The following CENPC variants were observed in gnomAD, a reference collection of about 807,000 sequenced individuals.
CENPC encodes the protein CENP-C 1.
CENPC carries 63 observed loss-of-function variants against 112.1 expected under a neutral mutation model. The ratio of observed to expected loss-of-function variants is 0.56; its 90% confidence interval spans 0.46 to 0.69. The LOEUF is 0.69. Among genes scored for constraint, CENPC ranks in the 30% least tolerant of loss-of-function variants. CENPC has a pLI of 0.00. For missense variants in CENPC, 1,000 were observed against 1,103.8 expected (o/e 0.91, Z 1.33); for synonymous variants, 333 against 367.6 (o/e 0.91, Z 1.08).
At chr4:67,501,569 G>A (rs1218390398) in intron 12 of CENPC, among the ~76,000 whole-genome samples, 4 of 152,080 alleles carry the variant, frequency 2.6e-5, no homozygotes, top group South Asian at 2.1e-4. Context: ...TGAACCAGGA[G>A]GAAGAAGAAA....
Position 67,506,951 on chromosome 4 carries a change from T to G in CENPC, c.1905-17A>C. On this transcript the variant is annotated splice_polypyrimidine_tract_variant and intron_variant, in intron 10 of 18. Transcript: ENST00000273853. Reference sequence around the variant, plus strand: ...CTTGTAGATCTATAAAAATGATAAATGTATGAGTGTTTATACTTCTTCAAA... The same window carrying G: ...CTTGTAGATCTATAAAAATGATAAAGGTATGAGTGTTTATACTTCTTCAAA... 6.3e-7 allele frequency: 1 copy of G among 1,582,684 alleles called. No individual in the cohort carries two copies. The highest frequency in any genetic ancestry group is 1.4e-5 in the African/African-American group (1 of 73,566).
chr4:67,508,017 T>C (rs1577988570), intron 10 of CENPC, among the ~76,000 whole-genome samples: 1 of 152,162 alleles, frequency 6.6e-6, no homozygotes, highest in Non-Finnish European at 1.5e-5. Context: ...AAGTATGTAT[T>C]ACCTCAATAG....
At chr4:67,504,807 G>A (rs1293525521) in intron 12 of CENPC, among the ~76,000 whole-genome samples, 3 of 152,012 alleles carry the variant, frequency 2.0e-5, no homozygotes, top group Non-Finnish European at 4.4e-5. Flanking sequence ...GGGAGACAGA[G>A]CGAGACTCCG....
chr4:67,511,764 T>A (rs542259170), intron 9 of CENPC, among the ~76,000 whole-genome samples: 1 of 152,246 alleles, frequency 6.6e-6, no homozygotes, highest in South Asian at 2.1e-4. Context: ...AATAGACATT[T>A]TGCCTATTTG....
Position 67,472,382 on chromosome 4 carries a change from T to C in CENPC, c.*223A>G, listed in dbSNP as rs1724689191. On this transcript the variant is annotated 3_prime_UTR_variant, in exon 19 of 19. Transcript: ENST00000273853. ...TATTCTTGTCAAATTATAAAAATAATATCATAAATATGGACATCGCTACAA... is the reference window on the plus strand; with the variant it reads ...TATTCTTGTCAAATTATAAAAATAACATCATAAATATGGACATCGCTACAA... The C allele has an allele frequency of 7.4e-6, 3 of 403,372 alleles. No individual in the cohort carries two copies. Among genetic ancestry groups the C allele is most frequent in the South Asian group, 1.2e-4 (1 of 8,582 alleles). The allele number at this position is 403,372 out of a possible 1,614,324, so 25.0% of individuals were successfully genotyped here.
intron 16 of CENPC, 132 bp downstream of exon 16, chr4:67,492,048 T>TA (rs1725297830): frequency 1.7e-6 from 1 of 586,608 alleles, no homozygotes; most frequent in Non-Finnish European, 2.9e-6. Context: ...TCGTTGGAAT[T>TA]AGACTCTTCT....
At chr4:67,537,027 T>TA (rs74550952) in intron 4 of CENPC, among the ~76,000 whole-genome samples, 2,827 of 97,168 alleles carry the variant, frequency 0.029, 48 homozygotes, top group Non-Finnish European at 0.041. Flanking sequence ...TACCTCTAAT[T>TA]AAAAAAAAAA....
intron 7 of CENPC, 132 bp from the exon 8 acceptor site, chr4:67,514,819 A>G: frequency 1.2e-6 from 1 of 863,788 alleles, no homozygotes; most frequent in Admixed American, 3.0e-5. Flanking sequence ...TTTTCCCTTA[A>G]TCTTACAAAT....
chr4:67,533,674 C>A (rs1308860346), intron 4 of CENPC, among the ~76,000 whole-genome samples: 9 of 152,062 alleles, frequency 5.9e-5, no homozygotes, highest in African/African-American at 1.7e-4. Context: ...ATGGAGAAAA[C>A]CCAGAAGCAG....
intron 2 of CENPC, among the ~76,000 whole-genome samples, chr4:67,542,529 T>G (rs1331268897): frequency 6.6e-6 from 1 of 152,222 alleles, no homozygotes; most frequent in Non-Finnish European, 1.5e-5. Flanking sequence ...AAAGTTACTT[T>G]TGGAGCTTTG....
At chr4:67,506,027 T>G (rs535904363) in intron 11 of CENPC, among the ~76,000 whole-genome samples, 1 of 152,292 alleles carries the variant, frequency 6.6e-6, no homozygotes, top group South Asian at 2.1e-4. Flanking sequence ...CTAAATCTCT[T>G]TCTACCTATT....
rs1724655675 is a variant in CENPC at position 67,471,349 on chromosome 4, C to A, written c.*1256G>T. ...TTAGATATAAAACAAAATTGAGTTG[C>A]TACAATATGCTACCTAAAATGTCCA... is the stretch of plus-strand genomic sequence containing the variant. On this transcript the variant is annotated 3_prime_UTR_variant, in exon 19 of 19. Coordinates refer to ENST00000273853, the MANE Select transcript of CENPC (RefSeq NM_001812.4). 6.6e-6 allele frequency: 1 copy of A among 151,970 alleles called. No individual in the cohort carries two copies. Among genetic ancestry groups the A allele is most frequent in the South Asian group, 2.1e-4 (1 of 4,822 alleles). The allele number at this position is 151,970 out of a possible 1,614,324, so 9.4% of individuals were successfully genotyped here.
intron 4 of CENPC, among the ~76,000 whole-genome samples, chr4:67,531,810 T>C (rs1726558286): frequency 6.6e-6 from 1 of 152,224 alleles, no homozygotes; most frequent in Non-Finnish European, 1.5e-5. Flanking sequence ...CTGACCCAGC[T>C]GTGTATCCTG....
intron 5 of CENPC, among the ~76,000 whole-genome samples, chr4:67,524,251 G>A (rs961523169): frequency 2.6e-5 from 4 of 151,938 alleles, no homozygotes; most frequent in Admixed American, 6.6e-5. Context: ...TAATGCTTCT[G>A]TTTGAAAACT....
At chr4:67,501,941 A>AT (rs59978835) in intron 12 of CENPC, among the ~76,000 whole-genome samples, 138,140 of 152,062 alleles carry the variant, frequency 0.91, 62,979 homozygotes, top group South Asian at 0.95. Context: ...AAAATAAATT[A>AT]TTTTTTAAGT....
intron 5 of CENPC, among the ~76,000 whole-genome samples, chr4:67,528,604 T>A (rs184128511): frequency 2.8e-4 from 42 of 152,346 alleles, no homozygotes; most frequent in African/African-American, 9.1e-4. Flanking sequence ...TCAGTTTGCA[T>A]GTTTTAATGT....
Position 67,509,063 on chromosome 4 carries a change from A to G in CENPC, c.1655T>C (p.Met552Thr), listed in dbSNP as rs192751329. The G allele has an allele frequency of 9.5e-5, 153 of 1,610,968 alleles. No homozygotes were observed. In the African/African-American group the frequency reaches 1.9e-3, roughly 20 times the overall value. Residue 552 changes from methionine (M) to threonine (T), a missense_variant, in exon 10 of 19, where the codon ATG (methionine) becomes ACG (threonine). Physicochemically the swap from Met to Thr is moderately conservative, Grantham distance 81. Transcript: ENST00000273853. ...AGATTTTCGGCTACTATTGTGATGC[A>G]TTGGTAATTCATTTCTTACTGAAGA... ...SNSSVRNELP[M>T]HHNSSRKSTK...
chr4:67,524,332 T>C (rs921817273), intron 5 of CENPC, among the ~76,000 whole-genome samples: 12 of 150,466 alleles, frequency 8.0e-5, no homozygotes, highest in Non-Finnish European at 1.6e-4. Flanking sequence ...GCCATGGCAA[T>C]CAGGCAAGAG....
At position 67,518,247 on chromosome 4, in the gene CENPC, T is replaced by C. The variant is rs770733924; in HGVS notation, c.739A>G (p.Ile247Val). The change falls in exon 7 of 19, where the codon ATA (isoleucine) becomes GTA (valine). Residue 247 changes from isoleucine (I) to valine (V), a missense_variant. By Grantham distance (29) the Ile-to-Val change is conservative. Coordinates refer to ENST00000273853, the MANE Select transcript of CENPC (RefSeq NM_001812.4). ...TGAATTTCATATTCTGAATCTCGTA[T>C]TCTATTCTGAGATGATCCTGATGGT... ...RKPSGSSQNR[I>V]RDSEYEIQRQ... The C allele has an allele frequency of 1.9e-6, 3 of 1,561,296 alleles. No homozygotes were observed. Among genetic ancestry groups the C allele is most frequent in the Admixed American group, 3.9e-5 (2 of 51,768 alleles).
Sources: allele counts gnomAD v4.1 joint callset (sites outside exome capture counted in the v4.1 genomes callset), GRCh38; gene constraint gnomAD v4.1.1; transcripts MANE v1.5; gene names NCBI Gene and HGNC (gene_info 2026-07-23, HGNC 2026-07-21).